The following INSL6 variants were observed in gnomAD, a reference collection of about 807,000 sequenced individuals.
INSL6 encodes the protein insulin-like peptide INSL6.
INSL6 carries 16 observed loss-of-function variants against 9.4 expected under a neutral mutation model. That is an observed-to-expected ratio of 1.70 (90% CI 1.15 to 2.59). INSL6 has a LOEUF of 2.59. INSL6 is among the 30% of genes most tolerant of loss of function. The pLI is 0.00. For synonymous variants in INSL6, 154 were observed against 96.9 expected (o/e 1.59, Z -3.46); for missense variants, 391 against 257.3 (o/e 1.52, Z -3.56).
At chr9:5,090,555 A>G in the INSL6 span, 2 of 1,581,428 alleles carry the variant, frequency 1.3e-6, no homozygotes, top group Non-Finnish European at 1.7e-6. Flanking sequence ...TGCAGTACAC[A>G]TCTCAGATAT....
At chr9:5,007,610 C>CT in the INSL6 span, among the ~76,000 whole-genome samples, 15,641 of 151,974 alleles carry the variant, frequency 0.1, 2,456 homozygotes, top group African/African-American at 0.34. Context: ...ACTTAATATA[C>CT]TTTTATTAGG....
At chr9:5,088,873 C>A in the INSL6 span, among the ~76,000 whole-genome samples, 2 of 152,348 alleles carry the variant, frequency 1.3e-5, no homozygotes, top group South Asian at 4.1e-4. Flanking sequence ...ATCACCTCCT[C>A]ACAAGGCCCT....
chr9:4,997,914 C>T, the INSL6 span, among the ~76,000 whole-genome samples: 1 of 151,622 alleles, frequency 6.6e-6, no homozygotes, highest in African/African-American at 2.4e-5. Context: ...TCCATAGGTG[C>T]TTAATTTTTT....
the INSL6 span, among the ~76,000 whole-genome samples, chr9:5,096,394 T>C: frequency 1.3e-5 from 2 of 152,186 alleles, no homozygotes; most frequent in Non-Finnish European, 2.9e-5. Context: ...ACCACTTTAA[T>C]TAAGCTAAGT....
intron 2 of INSL6, among the ~76,000 whole-genome samples, chr9:5,157,516 A>T (rs1190959802): frequency 6.6e-6 from 1 of 152,172 alleles, no homozygotes; most frequent in Non-Finnish European, 1.5e-5. Flanking sequence ...ACCAGTTAGG[A>T]ATTTGCAGGA....
chr9:5,134,712 G>T (rs557816403), intron 2 of INSL6, among the ~76,000 whole-genome samples: 2 of 152,082 alleles, frequency 1.3e-5, no homozygotes, highest in Non-Finnish European at 1.5e-5. Context: ...AGGAACAACC[G>T]GTACCAGCCA....
the INSL6 span, chr9:5,090,532 C>A: frequency 6.3e-7 from 1 of 1,594,698 alleles, no homozygotes; most frequent in South Asian, 1.2e-5. Context: ...ACGGATAGAT[C>A]ACATAAAACT....
chr9:4,992,216 C>A, the INSL6 span, among the ~76,000 whole-genome samples: 1 of 152,184 alleles, frequency 6.6e-6, no homozygotes, highest in Non-Finnish European at 1.5e-5. Context: ...GGGCTGTTAA[C>A]TGGAGCATGT....
At chr9:5,122,293 G>C (rs755485905), downstream of INSL6, among the ~76,000 whole-genome samples, 2 of 152,136 alleles carry the variant, frequency 1.3e-5, no homozygotes, top group East Asian at 3.8e-4. Context: ...CTTGGATAGT[G>C]TTAATGCTTG....
At chr9:5,072,258 A>C in the INSL6 span, among the ~76,000 whole-genome samples, 1 of 152,180 alleles carries the variant, frequency 6.6e-6, no homozygotes, top group Non-Finnish European at 1.5e-5. Context: ...GAGATTTCAA[A>C]ACCGAGTAGA....
At chr9:5,174,289 T>G (rs1825250443) in intron 1 of INSL6, among the ~76,000 whole-genome samples, 1 of 151,994 alleles carries the variant, frequency 6.6e-6, no homozygotes, top group South Asian at 2.1e-4. Context: ...CTTGATAGAG[T>G]TTTCTATATT....
In INSL6 at chr9:5,182,430, G is replaced by C. The variant is rs139383964; in HGVS notation, c.289+2884C>G. Among the ~76,000 whole-genome samples, 386 of 152,118 alleles carry C rather than the reference G, an allele frequency of 2.5e-3. 1 individual carries two copies. Among genetic ancestry groups the C allele is most frequent in the African/African-American group, 8.6e-3 (355 of 41,504 alleles). ...GGAGTGGAGAAAGGGGCTAAGTGAG[G>C]ATAATCACCTTCTGTAAATTATAAT... On this transcript the variant is annotated intron_variant, in intron 1 of 1. Coordinates refer to ENST00000381641, the MANE Select transcript of INSL6 (RefSeq NM_007179.3).
the INSL6 span, among the ~76,000 whole-genome samples, chr9:5,017,205 CAT>C: frequency 1.3e-5 from 2 of 152,002 alleles, no homozygotes; most frequent in African/African-American, 4.8e-5. Context: ...GTGAGGGCAA[CAT>C]ATTTTTTTCA....
chr9:5,034,502 A>C, the INSL6 span, among the ~76,000 whole-genome samples: 2 of 152,040 alleles, frequency 1.3e-5, no homozygotes, highest in African/African-American at 4.8e-5. Flanking sequence ...AGCACTCCTC[A>C]GCAAGTGTAA....
chr9:5,126,688 A>G (rs1409032625), intron 3 of INSL6: 5 of 1,604,666 alleles, frequency 3.1e-6, no homozygotes, highest in Non-Finnish European at 4.3e-6. Flanking sequence ...TTACAGATCT[A>G]TATGATCATG....
At chr9:4,999,085 A>C in the INSL6 span, among the ~76,000 whole-genome samples, 2 of 151,976 alleles carry the variant, frequency 1.3e-5, no homozygotes, top group Admixed American at 6.6e-5. Flanking sequence ...TCGGCCTCCC[A>C]AAGTGCTGGG....
the INSL6 span, among the ~76,000 whole-genome samples, chr9:5,117,427 C>A: frequency 6.6e-6 from 1 of 152,124 alleles, no homozygotes; most frequent in Admixed American, 6.5e-5. Flanking sequence ...AGTGTGGGGA[C>A]TTTAGGGTGT....
chr9:5,149,174 A>G (rs1053684650), intron 2 of INSL6, among the ~76,000 whole-genome samples: 5 of 152,226 alleles, frequency 3.3e-5, no homozygotes, highest in Non-Finnish European at 7.3e-5. Flanking sequence ...CCCCTGTAGC[A>G]GCTAAGATCC....
chr9:5,164,005 T>C lies in INSL6; in HGVS notation c.550A>G (p.Thr184Ala), dbSNP rs1182345729. The C allele has an allele frequency of 2.5e-6, 4 of 1,613,258 alleles. No individual in the cohort carries two copies. In the Admixed American group the frequency reaches 5.0e-5, roughly 20 times the overall value. The change falls in exon 2 of 2, where the codon ACA becomes GCA. Residue 184 changes from threonine (T) to alanine (A), a missense_variant. Transcript: ENST00000381641. ...YSEKCCLTGC[T>A]KEELSIACLP... ...CATGCAATGCTAAGTTCTTCTTTTG[T>C]ACATCCTGTAAGACAACACTTTTCT... is the stretch of plus-strand genomic sequence containing the variant.
Sources: gnomAD v4.1 joint callset for allele counts (sites outside exome capture counted in the v4.1 genomes callset) on GRCh38, gnomAD v4.1.1 for gene constraint, MANE v1.5 for transcripts, NCBI Gene and HGNC (gene_info 2026-07-23, HGNC 2026-07-21) for gene names.